HERC3: variants seen among roughly 807,000 people sequenced by gnomAD.
HERC3 encodes probable E3 ubiquitin-protein ligase HERC3.
In HERC3, 58 loss-of-function variants were observed where a neutral mutation model predicts 129.9. The ratio of observed to expected loss-of-function variants is 0.45; its 90% CI spans 0.36 to 0.56. The LOEUF is 0.56. HERC3 is among the 20% of genes least tolerant of loss of function. The probability of loss-of-function intolerance (pLI) is 0.00; values close to 1 mark genes in which losing one functional copy is unlikely to be tolerated. For missense variants in HERC3, 835 were observed against 1,244.2 expected, an observed-to-expected ratio of 0.67 and a Z score of 4.95; for synonymous variants, 430 against 451.0, an observed-to-expected ratio of 0.95 and a Z score of 0.59.
chr4:88,606,401 G>A (rs762232113), intron 3 of HERC3, among the ~76,000 whole-genome samples: 44 of 151,826 alleles, frequency 2.9e-4, no homozygotes, highest in Non-Finnish European at 4.6e-4. Context: ...ACAGACATGC[G>A]CCACCACAAG....
At chr4:88,697,864 G>A in intron 23 of HERC3, 3 of 1,446,642 alleles carry the variant, frequency 2.1e-6, no homozygotes, top group East Asian at 2.4e-5. Context: ...GTGCGGCCGC[G>A]GGAATGACGT....
At chr4:88,706,521 T>C (rs1436935376) in intron 25 of HERC3, among the ~76,000 whole-genome samples, 1 of 152,218 alleles carries the variant, frequency 6.6e-6, no homozygotes. Context: ...TCCTTCCCTC[T>C]TTGATTTTGT....
At chr4:88,535,688 T>G in the HERC3 span, among the ~76,000 whole-genome samples, 2 of 152,186 alleles carry the variant, frequency 1.3e-5, no homozygotes, top group Admixed American at 6.5e-5. Flanking sequence ...CTCAGGTCTC[T>G]CTTCCTCTGC....
chr4:88,638,813 A>C (rs74543050), intron 3 of HERC3, among the ~76,000 whole-genome samples: 6 of 151,956 alleles, frequency 3.9e-5, no homozygotes, highest in Admixed American at 2.6e-4. Flanking sequence ...CTCTGTTTGC[A>C]GACGACATGA....
At chr4:88,541,622 TC>T in the HERC3 span, among the ~76,000 whole-genome samples, 2,006 of 152,176 alleles carry the variant, frequency 0.013, 22 homozygotes, top group Non-Finnish European at 0.021. Context: ...TCTCCACAGT[TC>T]TGAAGTCAAC....
chr4:88,602,610 TG>T (rs1033686974), intron 2 of HERC3, among the ~76,000 whole-genome samples: 19 of 151,990 alleles, frequency 1.3e-4, no homozygotes, highest in Non-Finnish European at 2.5e-4. Context: ...CCCAAGTAGC[TG>T]GGACTACAGG....
chr4:88,682,375 G>C (rs1732878316), intron 21 of HERC3, among the ~76,000 whole-genome samples: 1 of 151,896 alleles, frequency 6.6e-6, no homozygotes, highest in East Asian at 1.9e-4. Context: ...ACAACGTGCA[G>C]GTTAGTTACA....
the HERC3 span, among the ~76,000 whole-genome samples, chr4:88,572,379 G>A: frequency 2.0e-5 from 3 of 151,902 alleles, no homozygotes; most frequent in Non-Finnish European, 2.9e-5. Context: ...AGTGAGCTGT[G>A]ACCATCACTG....
chr4:88,682,684 G>C (rs1488863723), intron 21 of HERC3, among the ~76,000 whole-genome samples: 1 of 152,014 alleles, frequency 6.6e-6, no homozygotes, highest in East Asian at 1.9e-4. Flanking sequence ...AGTATTCCAT[G>C]GTGTATATGT....
Position 88,704,597 on chromosome 4 carries a change from G to C in HERC3, c.2931G>C (p.Lys977Asn). ...ETFHEFPLEK[K>N]KKFLLFLTGS... The stretch of plus-strand genomic sequence containing the variant: ...TTCATGAGTTTCCATTGGAAAAGAA[G>C]AAGAAGTTTCTCTGTAAGTATCAGT... Residue 977 changes from lysine (K) to asparagine (N), a missense_variant, in exon 25 of 26, where the codon AAG (lysine) becomes AAC (asparagine). Physicochemically the swap from Lys to Asn is moderately conservative, Grantham distance 94 (BLOSUM62 0). Coordinates refer to ENST00000402738, the MANE Select transcript of HERC3 (RefSeq NM_014606.3). 1 of 1,589,008 alleles carries C rather than the reference G, an allele frequency of 6.3e-7. No individual in the cohort carries two copies. The highest frequency in any genetic ancestry group is 8.6e-7 in the Non-Finnish European group (1 of 1,157,286).
At chr4:88,693,544 A>T in intron 23 of HERC3, 1 of 954,992 alleles carries the variant, frequency 1.0e-6, no homozygotes, top group Non-Finnish European at 1.2e-6. Context: ...TAAAAAATGA[A>T]TTAACTAGAA....
In HERC3 at chr4:88,649,913, T is replaced by C. The variant is rs767346642; in HGVS notation, c.300T>C (p.Ser100=). The change falls in exon 4 of 26, where the codon AGT becomes AGC. Residue 100 remains serine, a synonymous_variant. Transcript: ENST00000402738. ...GCGAGTCCCACAGTCTGGCCCTCAG[T>C]GACCGAGGCCAGCTGTTTTCTTGGG... is the stretch of plus-strand genomic sequence containing the variant. ...ACGESHSLAL[S]DRGQLFSWGA... is the part of the protein sequence containing the mutation. 4.3e-6 allele frequency: 7 copies of C among 1,613,994 alleles called. No homozygotes were observed. Among genetic ancestry groups the C allele is most frequent in the Non-Finnish European group, 5.9e-6 (7 of 1,180,000 alleles).
the HERC3 span, among the ~76,000 whole-genome samples, chr4:88,579,409 A>AAAAC: frequency 2.1e-3 from 316 of 152,010 alleles, no homozygotes; most frequent in Non-Finnish European, 2.5e-3. Context: ...TCCATCTGAA[A>AAAAC]AAACAAACAA....
At chr4:88,560,253 C>A in the HERC3 span, among the ~76,000 whole-genome samples, 3 of 152,174 alleles carry the variant, frequency 2.0e-5, no homozygotes, top group Admixed American at 6.5e-5. Flanking sequence ...AGCCACCACG[C>A]CTGGCCATCC....
the HERC3 span, among the ~76,000 whole-genome samples, chr4:88,566,640 A>G: frequency 6.6e-6 from 1 of 152,162 alleles, no homozygotes; most frequent in African/African-American, 2.4e-5. Context: ...TTTCTCTCCT[A>G]CTGAAGAACT....
At chr4:88,546,861 C>T in the HERC3 span, among the ~76,000 whole-genome samples, 7,447 of 152,060 alleles carry the variant, frequency 0.049, 433 homozygotes, top group East Asian at 0.28. Flanking sequence ...AAGTTTTGGA[C>T]CTTGTTATTA....
the HERC3 span, among the ~76,000 whole-genome samples, chr4:88,549,192 TC>T: frequency 6.6e-6 from 1 of 152,302 alleles, no homozygotes; most frequent in Non-Finnish European, 1.5e-5. Flanking sequence ...AAAAACTTAT[TC>T]CTTTGCATGT....
At chr4:88,532,372 G>C in the HERC3 span, among the ~76,000 whole-genome samples, 2 of 151,880 alleles carry the variant, frequency 1.3e-5, no homozygotes, top group African/African-American at 4.8e-5. Flanking sequence ...GTCCAGATCA[G>C]AGCTCAAAGG....
At chr4:88,580,304 C>T in the HERC3 span, among the ~76,000 whole-genome samples, 4 of 152,120 alleles carry the variant, frequency 2.6e-5, no homozygotes, top group African/African-American at 7.2e-5. Context: ...GTGGGTGCAT[C>T]GCTTGAGGTC....
Sources: gnomAD v4.1 joint callset for allele counts (sites outside exome capture counted in the v4.1 genomes callset) on GRCh38, gnomAD v4.1.1 for gene constraint, MANE v1.5 for transcripts, NCBI Gene and HGNC (gene_info 2026-07-23, HGNC 2026-07-21) for gene names.